GRM1: variants seen among roughly 807,000 people sequenced by gnomAD.
The protein encoded by GRM1 is glutamate metabotropic receptor 1, also known as metabotropic glutamate receptor 1.
In GRM1, 33 loss-of-function variants were observed where a neutral mutation model predicts 90.9. The observed-to-expected ratio is 0.36, with a 90% confidence interval of 0.28 to 0.49. The LOEUF (loss-of-function observed/expected upper bound fraction) is 0.49, where lower values mean the gene tolerates loss of function less well. Ranked by LOEUF, GRM1 falls within the 20% of genes least tolerant of loss-of-function variation. The pLI is 0.99. For synonymous variants in GRM1, 700 were observed against 613.2 expected (o/e 1.14, Z -2.09); for missense variants, 1,190 against 1,534.3 (o/e 0.78, Z 3.75).
chr6:146,400,057 G>A (rs1777102180), intron 7 of GRM1, among the ~76,000 whole-genome samples: 1 of 152,204 alleles, frequency 6.6e-6, no homozygotes, highest in African/African-American at 2.4e-5. Context: ...CCTGGGGGCT[G>A]GGTCAGAGAG....
intron 1 of GRM1, among the ~76,000 whole-genome samples, chr6:146,147,798 G>A (rs1244982819): frequency 6.6e-6 from 1 of 151,916 alleles, no homozygotes; most frequent in Admixed American, 6.6e-5. Context: ...CCTGAGTCCT[G>A]TATATTTTTT....
chr6:146,117,291 A>G (rs565045529), intron 1 of GRM1, among the ~76,000 whole-genome samples: 9 of 151,796 alleles, frequency 5.9e-5, no homozygotes, highest in African/African-American at 1.9e-4. Flanking sequence ...ATCTTTCTAT[A>G]TAATTCTTTT....
intron 2 of GRM1, among the ~76,000 whole-genome samples, chr6:146,217,345 C>T (rs559805944): frequency 2.5e-4 from 38 of 152,244 alleles, no homozygotes; most frequent in African/African-American, 8.9e-4. Flanking sequence ...AGAGCAATAC[C>T]TTGAGTTGGT....
At chr6:146,417,345 A>G (rs75283741) in intron 7 of GRM1, among the ~76,000 whole-genome samples, 1,961 of 152,272 alleles carry the variant, frequency 0.013, 47 homozygotes, top group African/African-American at 0.045. Context: ...GGGGTACTAC[A>G]TATTAGCTGA....
chr6:146,038,415 T>C (rs1790969952), intron 1 of GRM1, among the ~76,000 whole-genome samples: 1 of 151,946 alleles, frequency 6.6e-6, no homozygotes. Context: ...AACAGTCCCC[T>C]AAGTTTATTA....
At chr6:146,419,113 A>C (rs1469073358) in intron 7 of GRM1, among the ~76,000 whole-genome samples, 2 of 152,214 alleles carry the variant, frequency 1.3e-5, no homozygotes, top group Non-Finnish European at 2.9e-5. Context: ...GAACTTGACA[A>C]ACATGTTGGA....
intron 1 of GRM1, among the ~76,000 whole-genome samples, chr6:146,156,506 A>T (rs1351275793): frequency 6.6e-6 from 1 of 152,126 alleles, no homozygotes; most frequent in African/African-American, 2.4e-5. Flanking sequence ...CCAATGATTG[A>T]CTGACAAGGG....
chr6:146,052,684 T>C (rs1775337278), intron 1 of GRM1, among the ~76,000 whole-genome samples: 1 of 152,084 alleles, frequency 6.6e-6, no homozygotes, highest in Admixed American at 6.6e-5. Context: ...TCAGCTATTT[T>C]TGTGGCTGGC....
At chr6:146,067,736 C>G (rs1775893974) in intron 1 of GRM1, among the ~76,000 whole-genome samples, 1 of 151,776 alleles carries the variant, frequency 6.6e-6, no homozygotes, top group Admixed American at 6.6e-5. Flanking sequence ...CTTAAAAAAA[C>G]AAAACAAAAC....
At chr6:146,049,579 G>C (rs1409085466) in intron 1 of GRM1, among the ~76,000 whole-genome samples, 2 of 151,378 alleles carry the variant, frequency 1.3e-5, no homozygotes, top group Non-Finnish European at 2.9e-5. Context: ...TCTCCAGCTT[G>C]TAGACAAGTT....
intron 7 of GRM1, among the ~76,000 whole-genome samples, chr6:146,414,377 T>TTTATTATTATTATTA (rs56297907): frequency 0.067 from 9,701 of 145,278 alleles, 481 homozygotes; most frequent in East Asian, 0.21. Flanking sequence ...CCGTTTGCCT[T>TTTATTATTATTATTA]TTATTATTAT....
intron 3 of GRM1, among the ~76,000 whole-genome samples, chr6:146,313,972 T>G (rs942712885): frequency 2.0e-5 from 3 of 150,824 alleles, no homozygotes; most frequent in African/African-American, 7.3e-5. Context: ...CATTATAAAC[T>G]CTTTTCTGCC....
At chr6:146,410,475 A>G (rs142696210) in intron 7 of GRM1, among the ~76,000 whole-genome samples, 59 of 152,330 alleles carry the variant, frequency 3.9e-4, no homozygotes, top group African/African-American at 1.4e-3. Context: ...AAAATCAGTG[A>G]GTATTTAATC....
rs1396852860 is a variant in GRM1 at position 146,436,159 on chromosome 6, A to C, written c.*1363A>C. On this transcript the variant is annotated 3_prime_UTR_variant, in exon 8 of 8. Transcript: ENST00000282753. Reference sequence around the variant, plus strand: ...TATATATATTTTTTATGTTCCAATAATGTTTTGTACATCATTGTCATCAAT... The same window carrying C: ...TATATATATTTTTTATGTTCCAATACTGTTTTGTACATCATTGTCATCAAT... The C allele has an allele frequency of 6.6e-6, 1 of 152,638 alleles. No homozygotes were observed. The highest frequency in any genetic ancestry group is 1.5e-5 in the Non-Finnish European group (1 of 68,044). The allele number at this position is 152,638 out of a possible 1,614,324, so 9.5% of individuals were successfully genotyped here.
At chr6:146,334,861 A>C (rs1417817265) in intron 3 of GRM1, among the ~76,000 whole-genome samples, 3 of 152,150 alleles carry the variant, frequency 2.0e-5, no homozygotes, top group African/African-American at 7.2e-5. Flanking sequence ...TTGTCTTGAC[A>C]ACATCATTTT....
At chr6:146,416,163 C>T (rs191270874) in intron 7 of GRM1, among the ~76,000 whole-genome samples, 34 of 152,168 alleles carry the variant, frequency 2.2e-4, no homozygotes, top group African/African-American at 7.9e-4. Context: ...TTCAGTCAGT[C>T]TGATAATGTT....
chr6:146,321,939 TA>T (rs753940185), intron 3 of GRM1, among the ~76,000 whole-genome samples: 2 of 152,178 alleles, frequency 1.3e-5, no homozygotes, highest in Non-Finnish European at 2.9e-5. Context: ...CTGTGTCTTT[TA>T]ATTGGAACAT....
intron 1 of GRM1, among the ~76,000 whole-genome samples, chr6:146,113,477 T>C (rs1301966712): frequency 2.6e-5 from 4 of 152,202 alleles, no homozygotes; most frequent in Non-Finnish European, 5.9e-5. Context: ...ATTTATGCTG[T>C]ATAATTCAGG....
chr6:146,127,129 T>A (rs1776226523), intron 1 of GRM1, among the ~76,000 whole-genome samples: 1 of 152,192 alleles, frequency 6.6e-6, no homozygotes, highest in Admixed American at 6.5e-5. Flanking sequence ...GGAGTTAACA[T>A]TAGTTTTCAT....
Sources: gnomAD v4.1 joint callset for allele counts (sites outside exome capture counted in the v4.1 genomes callset) on GRCh38, gnomAD v4.1.1 for gene constraint, MANE v1.5 for transcripts, NCBI Gene and HGNC (gene_info 2026-07-23, HGNC 2026-07-21) for gene names.